RAB3IP: variants seen among roughly 807,000 people sequenced by gnomAD.
RAB3IP encodes RAB3A interacting protein.
A neutral mutation model predicts 59.1 loss-of-function variants in RAB3IP; 36 were observed. The observed-to-expected ratio is 0.61, with a 90% CI of 0.47 to 0.80. The LOEUF (loss-of-function observed/expected upper bound fraction) is 0.80. Ranked by LOEUF, RAB3IP falls within the 30% of genes least tolerant of loss-of-function variation. RAB3IP has a pLI of 0.00. For missense variants in RAB3IP, 511 were observed against 536.0 expected, an observed-to-expected ratio of 0.95 and a Z score of 0.46; for synonymous variants, 207 against 191.2, an observed-to-expected ratio of 1.08 and a Z score of -0.68.
Position 69,794,404 on chromosome 12 carries a change from TG to T in RAB3IP, c.607-32del, listed in dbSNP as rs765579162. ...AACTTTTTGAAAACAAATGCTACTT[TG>T]TTTCTAAAATTTGAGATGTTAACTT... On this transcript the variant is annotated intron_variant, in intron 4 of 10. Coordinates refer to ENST00000247833, the MANE Select transcript of RAB3IP (RefSeq NM_022456.5). The T allele has an allele frequency of 2.6e-6, 4 of 1,562,536 alleles. No homozygotes were observed. The South Asian group carries it at 4.6e-5, about 18-fold the overall frequency.
In RAB3IP at chr12:69,801,647, T is replaced by G. The variant is rs752452066; in HGVS notation, c.1056T>G (p.Thr352=). ...SAVLEAVENN[T]LSIEPVGLQP... ...TTCTGGAGGCTGTGGAAAACAATACTCTAAGCATTGAACCAGTGGGATTAC... is the reference window on the plus strand; with the variant it reads ...TTCTGGAGGCTGTGGAAAACAATACGCTAAGCATTGAACCAGTGGGATTAC... The change falls in exon 8 of 11, where the codon ACT becomes ACG. Residue 352 remains threonine (T), a synonymous_variant. Coordinates refer to ENST00000247833, the MANE Select transcript of RAB3IP (RefSeq NM_022456.5). 1.9e-5 allele frequency: 30 copies of G among 1,612,922 alleles called. No homozygotes were observed. The highest frequency in any genetic ancestry group is 1.5e-5 in the Non-Finnish European group (18 of 1,179,268).
chr12:69,810,797 T>G (rs1004937530), intron 8 of RAB3IP, among the ~76,000 whole-genome samples: 9 of 152,156 alleles, frequency 5.9e-5, no homozygotes, highest in Admixed American at 2.0e-4. Flanking sequence ...GGAAGAGGAT[T>G]ACGGTCTAGA....
chr12:69,772,474 A>G (rs912624994), intron 3 of RAB3IP, among the ~76,000 whole-genome samples: 1 of 152,132 alleles, frequency 6.6e-6, no homozygotes, highest in Non-Finnish European at 1.5e-5. Context: ...TGTTTTGTAG[A>G]TCCTTCCTTC....
intron 3 of RAB3IP, among the ~76,000 whole-genome samples, chr12:69,757,614 C>T (rs2042703179): frequency 6.6e-6 from 1 of 152,150 alleles, no homozygotes; most frequent in African/African-American, 2.4e-5. Context: ...GTAGGGCAAA[C>T]ATTTATAGGT....
rs1870255575 is a variant in RAB3IP, at chr12:69,756,550, G to A, written c.397G>A (p.Asp133Asn). ...AACAGAGGCTTGCGATGGCAGTGAT[G>A]ATATTTTTGGGTTGAGTACTGATAG... ...TITEACDGSD[D>N]IFGLSTDSLS... is the part of the protein sequence containing the mutation. The change falls in exon 3 of 11, where the codon GAT (aspartate) becomes AAT (asparagine). Residue 133 changes from aspartate (D) to asparagine (N), a missense_variant. Asp to Asn is a conservative substitution (Grantham distance 23, BLOSUM62 1). Coordinates refer to ENST00000247833, the MANE Select transcript of RAB3IP (RefSeq NM_022456.5). 6.2e-7 allele frequency: 1 copy of A among 1,614,038 alleles called. No homozygotes were observed. Among genetic ancestry groups the A allele is most frequent in the African/African-American group, 1.3e-5 (1 of 74,916 alleles).
intron 3 of RAB3IP, among the ~76,000 whole-genome samples, chr12:69,766,381 C>G (rs528369565): frequency 6.6e-6 from 1 of 151,906 alleles, no homozygotes; most frequent in South Asian, 2.1e-4. Context: ...TTTGTTTGAC[C>G]AGGTTAATTC....
intron 4 of RAB3IP, among the ~76,000 whole-genome samples, chr12:69,790,660 C>G (rs1196487911): frequency 1.3e-5 from 2 of 152,006 alleles, no homozygotes; most frequent in Non-Finnish European, 2.9e-5. Context: ...TCTTGATTCA[C>G]TATAACCTCC....
intron 4 of RAB3IP, 147 bp from the exon 5 acceptor site, chr12:69,794,290 A>G (rs779625535): frequency 2.7e-5 from 17 of 630,154 alleles, no homozygotes; most frequent in African/African-American, 3.7e-5. Flanking sequence ...TCTGTTGTCA[A>G]CTGCTGCTTC....
intron 3 of RAB3IP, among the ~76,000 whole-genome samples, chr12:69,767,148 T>C: frequency 6.6e-6 from 1 of 152,346 alleles, no homozygotes; most frequent in South Asian, 2.1e-4. Context: ...GGATTTTTTT[T>C]CTTCCCTATA....
Position 69,755,425 on chromosome 12 carries a change from TGGAA to T in RAB3IP, c.20_23del (p.Glu7AlafsTer5). 1 of 1,614,104 alleles carries T rather than the reference TGGAA, an allele frequency of 6.2e-7. No homozygotes were observed. The highest frequency in any genetic ancestry group is 8.5e-7 in the Non-Finnish European group (1 of 1,179,950). The stretch of plus-strand genomic sequence containing the variant: ...GCTTTTGCTATGGCTAATGATCCCT[TGGAA>T]GGCTTCCATGAAGTAAACCTTGCTT... On this transcript the variant is annotated frameshift_variant, in exon 2 of 11. Transcript: ENST00000247833. LOFTEE classifies it high-confidence loss of function.
intron 4 of RAB3IP, among the ~76,000 whole-genome samples, chr12:69,785,801 A>G (rs978618022): frequency 9.9e-5 from 15 of 152,232 alleles, no homozygotes; most frequent in African/African-American, 3.1e-4. Flanking sequence ...ACAATAAACC[A>G]TTATAATAGG....
intron 4 of RAB3IP, among the ~76,000 whole-genome samples, chr12:69,789,986 G>C (rs1445760867): frequency 2.0e-5 from 3 of 152,114 alleles, no homozygotes; most frequent in South Asian, 4.1e-4. Flanking sequence ...ATCAGTGGGG[G>C]AAATTGAAAG....
intron 4 of RAB3IP, 74 bp from the exon 5 acceptor site, chr12:69,794,363 G>A: frequency 3.2e-6 from 4 of 1,238,630 alleles, no homozygotes; most frequent in Admixed American, 1.9e-5. Context: ...TGCTTCAATT[G>A]TAAACATTTG....
intron 4 of RAB3IP, among the ~76,000 whole-genome samples, chr12:69,790,778 T>A (rs1876478153): frequency 6.6e-6 from 1 of 152,104 alleles, no homozygotes; most frequent in Non-Finnish European, 1.5e-5. Flanking sequence ...AGAAACGGGT[T>A]TCACCATGTT....
chr12:69,794,528 G>C lies in RAB3IP; in HGVS notation c.684+14G>C, dbSNP rs1358433587. 3.1e-6 allele frequency: 5 copies of C among 1,588,876 alleles called. No homozygotes were observed. The highest frequency in any genetic ancestry group is 4.3e-6 in the Non-Finnish European group (5 of 1,161,354). On this transcript the variant is annotated intron_variant, in intron 5 of 10. Transcript: ENST00000247833. ...GCACAAGGAAAAGTGAGTTTTTGCA[G>C]CTCTTAATAGTATAAAATAAATTTG...
chr12:69,770,301 G>T (rs897894021), intron 3 of RAB3IP, among the ~76,000 whole-genome samples: 3 of 152,028 alleles, frequency 2.0e-5, no homozygotes, highest in African/African-American at 7.2e-5. Flanking sequence ...CCCCCACCCT[G>T]CCGGGGATTC....
chr12:69,754,207 T>C (rs963080529), intron 1 of RAB3IP, among the ~76,000 whole-genome samples: 4 of 152,226 alleles, frequency 2.6e-5, no homozygotes, highest in African/African-American at 9.6e-5. Flanking sequence ...TTGGAACAAT[T>C]AGTGAAATTT....
chr12:69,787,506 A>G (rs1245555810), intron 4 of RAB3IP, among the ~76,000 whole-genome samples: 1 of 152,186 alleles, frequency 6.6e-6, no homozygotes, highest in Admixed American at 6.5e-5. Flanking sequence ...CTAATGAGCA[A>G]TGCAGGCACT....
intron 6 of RAB3IP, among the ~76,000 whole-genome samples, chr12:69,799,153 A>G (rs1877987556): frequency 6.6e-6 from 1 of 152,182 alleles, no homozygotes; most frequent in African/African-American, 2.4e-5. Flanking sequence ...GCCCTTATAC[A>G]CCTTAAAAGG....
Sources: gnomAD v4.1 joint callset for allele counts (sites outside exome capture counted in the v4.1 genomes callset) on GRCh38, gnomAD v4.1.1 for gene constraint, MANE v1.5 for transcripts, NCBI Gene and HGNC (gene_info 2026-07-23, HGNC 2026-07-21) for gene names.